ADAMTS6: variants seen among roughly 807,000 people sequenced by gnomAD.
ADAMTS6 encodes A disintegrin and metalloproteinase with thrombospondin motifs 6.
In ADAMTS6, 23 loss-of-function variants were observed where a neutral mutation model predicts 144.3. That is an observed-to-expected ratio of 0.16 (90% CI 0.11 to 0.23). ADAMTS6 has a LOEUF of 0.23. ADAMTS6 is among the 10% of genes least tolerant of loss of function. The probability of loss-of-function intolerance (pLI) is 1.00; values close to 1 mark genes in which losing one functional copy is unlikely to be tolerated. For missense variants in ADAMTS6, 999 were observed against 1,379.6 expected (o/e 0.72, Z 4.37); for synonymous variants, 444 against 457.5 (o/e 0.97, Z 0.38).
chr5:65,196,978 T>A (rs1357026860), intron 21 of ADAMTS6, 44 bp downstream of exon 21: 1 of 1,593,092 alleles, frequency 6.3e-7, no homozygotes, highest in Non-Finnish European at 8.5e-7. Flanking sequence ...TGTTTTTCTC[T>A]TTGCACCTGA....
intron 7 of ADAMTS6, among the ~76,000 whole-genome samples, chr5:65,410,474 T>G (rs1468103256): frequency 6.6e-6 from 1 of 152,148 alleles, no homozygotes; most frequent in African/African-American, 2.4e-5. Flanking sequence ...ATGGAACAGC[T>G]AAATCAAAAT....
intron 3 of ADAMTS6, among the ~76,000 whole-genome samples, chr5:65,463,972 A>C (rs1759810415): frequency 1.3e-5 from 2 of 152,242 alleles, no homozygotes. Flanking sequence ...TCAACAAACA[A>C]ACACCAGCAT....
At chr5:65,479,362 A>G (rs556955517) in intron 1 of ADAMTS6, among the ~76,000 whole-genome samples, 6 of 152,334 alleles carry the variant, frequency 3.9e-5, no homozygotes, top group South Asian at 2.1e-4. Flanking sequence ...TACCCAAAAC[A>G]TATCTATCAA....
chr5:65,347,801 T>G (rs1748484324), intron 7 of ADAMTS6, among the ~76,000 whole-genome samples: 1 of 151,870 alleles, frequency 6.6e-6, no homozygotes, highest in Non-Finnish European at 1.5e-5. Context: ...GCAAGAAAAC[T>G]AATCACCCTA....
At chr5:65,205,083 G>A (rs1350278918) in intron 20 of ADAMTS6, among the ~76,000 whole-genome samples, 2 of 149,836 alleles carry the variant, frequency 1.3e-5, no homozygotes, top group Admixed American at 6.6e-5. Context: ...TATGTCTTTC[G>A]CACTTAATTT....
chr5:65,201,326 T>G (rs189243089), intron 20 of ADAMTS6, among the ~76,000 whole-genome samples: 2 of 132,682 alleles, frequency 1.5e-5, no homozygotes, highest in East Asian at 3.9e-4. Flanking sequence ...TCTCATGTGT[T>G]CCTATCTTTC....
At chr5:65,199,191 A>C (rs892187742) in intron 20 of ADAMTS6, among the ~76,000 whole-genome samples, 3 of 152,176 alleles carry the variant, frequency 2.0e-5, no homozygotes, top group African/African-American at 7.2e-5. Context: ...CATCCAAAAC[A>C]TATCTTGGTT....
intron 1 of ADAMTS6, among the ~76,000 whole-genome samples, chr5:65,479,362 ATATC>A (rs1268786950): frequency 2.0e-5 from 3 of 152,216 alleles, no homozygotes; most frequent in Non-Finnish European, 4.4e-5. Flanking sequence ...TACCCAAAAC[ATATC>A]TATCAAGCAA....
At chr5:65,281,543 T>C (rs1762990673) in intron 11 of ADAMTS6, among the ~76,000 whole-genome samples, 1 of 152,114 alleles carries the variant, frequency 6.6e-6, no homozygotes, top group Non-Finnish European at 1.5e-5. Flanking sequence ...AAGATACTGT[T>C]AACATATTTC....
chr5:65,171,962 T>C (rs981266114), intron 23 of ADAMTS6, among the ~76,000 whole-genome samples: 1 of 151,450 alleles, frequency 6.6e-6, no homozygotes, highest in Admixed American at 6.6e-5. Flanking sequence ...AGAAAGCCTA[T>C]GAAATTTGGA....
At position 65,434,899 on chromosome 5, in the gene ADAMTS6, G is replaced by T. The variant is rs182752361; in HGVS notation, c.1073+16576C>A. ...TCTACTTCTAGGTATTTGCCCTAGA[G>T]AACTCCTAAGGAGACAGATACAAAG... On this transcript the variant is annotated intron_variant, in intron 7 of 24. Transcript: ENST00000381055. Among the ~76,000 whole-genome samples the T allele has an allele frequency of 5.7e-3, 865 of 152,224 alleles. 6 individuals carry two copies. Among genetic ancestry groups the T allele is most frequent in the Non-Finnish European group, 9.4e-3 (642 of 67,994 alleles).
chr5:65,464,455 T>G (rs1759849338), intron 3 of ADAMTS6, among the ~76,000 whole-genome samples: 1 of 152,208 alleles, frequency 6.6e-6, no homozygotes, highest in Non-Finnish European at 1.5e-5. Context: ...ATCTGTGGTT[T>G]CTATTGGAGG....
chr5:65,149,553 T>C lies in ADAMTS6; in HGVS notation c.*2283A>G, dbSNP rs1297985394. ...TCTTCCAGCATCAGCCAAGGTGCTG[T>C]GCAGTGCCTGGGGGATGGCCCTCAC... is the stretch of plus-strand genomic sequence containing the variant. On this transcript the variant is annotated 3_prime_UTR_variant, in exon 25 of 25. Coordinates refer to ENST00000381055, the MANE Select transcript of ADAMTS6 (RefSeq NM_197941.4). The C allele has an allele frequency of 1.3e-5, 2 of 152,522 alleles. No homozygotes were observed. Among genetic ancestry groups the C allele is most frequent in the Admixed American group, 1.3e-4 (2 of 15,270 alleles). The allele number at this position is 152,522 out of a possible 1,614,324, so 9.4% of individuals were successfully genotyped here. A position where few individuals can be genotyped will look rare whatever the true frequency, so the allele number is the denominator to read the frequency against.
intron 11 of ADAMTS6, among the ~76,000 whole-genome samples, chr5:65,276,014 CGATG>C (rs1561365428): frequency 4.1e-5 from 6 of 144,740 alleles, no homozygotes; most frequent in Non-Finnish European, 7.8e-5. Flanking sequence ...CAAAACTAAG[CGATG>C]AAAGTTCTAT....
rs201070807 is a variant in ADAMTS6, at chr5:65,392,954, G to A, written c.1073+58521C>T. Among the ~76,000 whole-genome samples the A allele has an allele frequency of 7.9e-5, 12 of 152,112 alleles. No individual in the cohort carries two copies. In the East Asian group the frequency reaches 1.2e-3, roughly 15 times the overall value. On this transcript the variant is annotated intron_variant, in intron 7 of 24. Coordinates refer to ENST00000381055, the MANE Select transcript of ADAMTS6 (RefSeq NM_197941.4). ...GAGTAGTATACTCTAAATACTCCCT[G>A]CCAACTCTACCAAATTTTCTCAACA...
intron 8 of ADAMTS6, among the ~76,000 whole-genome samples, chr5:65,330,284 C>T (rs918073658): frequency 6.6e-6 from 1 of 152,046 alleles, no homozygotes; most frequent in African/African-American, 2.4e-5. Context: ...GAATATCATG[C>T]TGTGTGAAAT....
At chr5:65,458,171 G>A (rs571113912) in intron 4 of ADAMTS6, among the ~76,000 whole-genome samples, 16 of 151,994 alleles carry the variant, frequency 1.1e-4, no homozygotes, top group African/African-American at 3.9e-4. Flanking sequence ...ATTAACTATG[G>A]AATTTAATTT....
intron 7 of ADAMTS6, among the ~76,000 whole-genome samples, chr5:65,356,938 G>A (rs1487938532): frequency 6.6e-6 from 1 of 151,688 alleles, no homozygotes; most frequent in Non-Finnish European, 1.5e-5. Flanking sequence ...GTATTTTTCA[G>A]GGGTAATAAT....
In ADAMTS6 at chr5:65,273,360, T is replaced by A; in HGVS notation, c.1600A>T (p.Thr534Ser). 1.9e-6 allele frequency: 3 copies of A among 1,613,842 alleles called. No homozygotes were observed. The highest frequency in any genetic ancestry group is 2.5e-6 in the Non-Finnish European group (3 of 1,179,782). ...IPAAEGTLCQ[T>S]GNIEKGWCYQ... is the part of the protein sequence containing the mutation. ...CTTACCCCTTTTTCAATATTCCCAG[T>A]TTGACACAGTGTCCCCTCAGCTGCT... Residue 534 changes from threonine (T) to serine (S), a missense_variant, in exon 12 of 25, where the codon ACT becomes TCT. By Grantham distance (58) the Thr-to-Ser change is moderately conservative (BLOSUM62 1). Coordinates refer to ENST00000381055, the MANE Select transcript of ADAMTS6 (RefSeq NM_197941.4).
Sources: gnomAD v4.1 joint callset for allele counts (sites outside exome capture counted in the v4.1 genomes callset) on GRCh38, gnomAD v4.1.1 for gene constraint, MANE v1.5 for transcripts, NCBI Gene and HGNC (gene_info 2026-07-23, HGNC 2026-07-21) for gene names.